TRIM33: variants seen among roughly 807,000 people sequenced by gnomAD.
The protein encoded by TRIM33 is E3 ubiquitin-protein ligase TRIM33.
In TRIM33, 20 loss-of-function variants were observed where a neutral mutation model predicts 125.4. That is an observed-to-expected ratio of 0.16 (90% CI 0.11 to 0.23). TRIM33 has a LOEUF of 0.23. Ranked by LOEUF, TRIM33 falls within the 10% of genes least tolerant of loss-of-function variation. The pLI, the probability that TRIM33 is intolerant of heterozygous loss-of-function variation, is 1.00. For synonymous variants in TRIM33, 564 were observed against 513.9 expected (o/e 1.10, Z -1.32); for missense variants, 920 against 1,411.4 (o/e 0.65, Z 5.58).
Position 114,399,538 on chromosome 1 carries a change from T to C in TRIM33, c.3039A>G (p.Lys1013=), listed in dbSNP as rs1572003243. ...CCGGGATTTGGTAGTGTTGGGAATG[T>C]TTTTTCTGAAGCTTCTTTTTCACGG... is the stretch of plus-strand genomic sequence containing the variant. The part of the protein sequence containing the change: ...LSTVKKKLQK[K]HSQHYQIPDD... The change falls in exon 18 of 20, where the codon AAA becomes AAG. Residue 1013 remains lysine, a synonymous_variant. Transcript: ENST00000358465. The C allele has an allele frequency of 6.2e-7, 1 of 1,613,164 alleles. No homozygotes were observed. Among genetic ancestry groups the C allele is most frequent in the Non-Finnish European group, 8.5e-7 (1 of 1,179,274 alleles).
chr1:114,505,981 A>G (rs1652977187), intron 1 of TRIM33, among the ~76,000 whole-genome samples: 1 of 152,234 alleles, frequency 6.6e-6, no homozygotes, highest in Non-Finnish European at 1.5e-5. Flanking sequence ...GTTAGCATAA[A>G]AGACAATAGA....
chr1:114,497,514 T>C (rs1003201984), intron 1 of TRIM33, among the ~76,000 whole-genome samples: 3 of 151,458 alleles, frequency 2.0e-5, no homozygotes, highest in East Asian at 1.9e-4. Flanking sequence ...TTGGCGAGGC[T>C]TGTCTCCAAC....
chr1:114,488,255 G>A (rs191257464), intron 1 of TRIM33, among the ~76,000 whole-genome samples: 15 of 152,152 alleles, frequency 9.9e-5, no homozygotes, highest in African/African-American at 3.4e-4. Flanking sequence ...TAACTCAAAC[G>A]AAGTCAAGAG....
At position 114,510,623 on chromosome 1, in the gene TRIM33, G is replaced by A; in HGVS notation, c.454C>T (p.Arg152Cys). ...LLPCLHSFCL[R>C]CLPEPERQLS... Reference sequence around the variant, plus strand: ...TGGCGCTCCGGCTCGGGCAGGCAGCGCAGGCAGAAGGAGTGAAGACAGGGC... The same window carrying A: ...TGGCGCTCCGGCTCGGGCAGGCAGCACAGGCAGAAGGAGTGAAGACAGGGC... The change falls in exon 1 of 20, where the codon CGC (arginine) becomes TGC (cysteine). Residue 152 changes from arginine to cysteine, a missense_variant. Arg to Cys is a radical substitution (Grantham distance 180, BLOSUM62 -3). Around this residue, in one of 8 missense-constraint regions of TRIM33, gnomAD observed 75 missense variants for 123.9 expected, o/e 0.61. Transcript: ENST00000358465. 6.4e-7 allele frequency: 1 copy of A among 1,563,510 alleles called. No individual in the cohort carries two copies. The highest frequency in any genetic ancestry group is 8.6e-7 in the Non-Finnish European group (1 of 1,161,246).
rs563495739 is a variant in TRIM33, at chr1:114,506,557, A to T, written c.526+3994T>A. Reference sequence around the variant, plus strand: ...TTTAAAAAAAGATTTTTTGAGAGACAGGGTCTTGCTATGTTACTCAGGCTG... The same window carrying T: ...TTTAAAAAAAGATTTTTTGAGAGACTGGGTCTTGCTATGTTACTCAGGCTG... On this transcript the variant is annotated intron_variant, in intron 1 of 19. Coordinates refer to ENST00000358465, the MANE Select transcript of TRIM33 (RefSeq NM_015906.4). Among the ~76,000 whole-genome samples the T allele has an allele frequency of 2.0e-5, 3 of 152,244 alleles. No homozygotes were observed. The South Asian group carries it at 6.2e-4, about 32-fold the overall frequency.
intron 1 of TRIM33, among the ~76,000 whole-genome samples, chr1:114,503,613 C>A (rs1652832607): frequency 6.6e-6 from 1 of 152,090 alleles, no homozygotes; most frequent in South Asian, 2.1e-4. Flanking sequence ...TACACAATAT[C>A]AAAAAAATTC....
rs780403638 is a variant in TRIM33, at chr1:114,397,794, T to A, written c.3238A>T (p.Ile1080Phe). Residue 1080 changes from isoleucine (I) to phenylalanine (F), a missense_variant, in exon 20 of 20, where the codon ATC becomes TTC. By Grantham distance (21) the Ile-to-Phe change is conservative. Around this residue, in one of 8 missense-constraint regions of TRIM33, gnomAD observed 122 missense variants for 236.8 expected, o/e 0.52. Transcript: ENST00000358465. ...GGTGCGAAGGTCCTGTCTGAGTAGA[T>A]CTCTGTGAGTTTATCTTCAAAGTAC... ...ALYFEDKLTE[I>F]YSDRTFAPLP... is the part of the protein sequence containing the mutation. 1.2e-6 allele frequency: 2 copies of A among 1,613,928 alleles called. No homozygotes were observed. The highest frequency in any genetic ancestry group is 8.5e-7 in the Non-Finnish European group (1 of 1,179,950).
At chr1:114,432,557 C>A (rs531504114) in intron 5 of TRIM33, among the ~76,000 whole-genome samples, 13 of 152,274 alleles carry the variant, frequency 8.5e-5, no homozygotes, top group African/African-American at 2.6e-4. Flanking sequence ...GAGGCTGAGG[C>A]AGGCGGATCA....
At chr1:114,509,252 T>C (rs1455865542) in intron 1 of TRIM33, among the ~76,000 whole-genome samples, 2 of 152,210 alleles carry the variant, frequency 1.3e-5, no homozygotes, top group Non-Finnish European at 2.9e-5. Flanking sequence ...AGCCCTTTAG[T>C]GCAGCTCCAC....
At chr1:114,406,591 A>T (rs1225107142) in intron 14 of TRIM33, among the ~76,000 whole-genome samples, 1 of 152,210 alleles carries the variant, frequency 6.6e-6, no homozygotes, top group Non-Finnish European at 1.5e-5. Context: ...TCACAGGTCC[A>T]GGAGAATCCC....
chr1:114,490,244 C>T (rs1170363116), intron 1 of TRIM33, among the ~76,000 whole-genome samples: 1 of 151,934 alleles, frequency 6.6e-6, no homozygotes, highest in Non-Finnish European at 1.5e-5. Context: ...TCTGAACAGA[C>T]ATTTCATCAG....
intron 11 of TRIM33, among the ~76,000 whole-genome samples, chr1:114,419,200 C>CAAAAAAAAAA (rs35757503): frequency 7.4e-5 from 4 of 54,300 alleles, no homozygotes; most frequent in Admixed American, 2.4e-4. Flanking sequence ...GACACCATCT[C>CAAAAAAAAAA]AAAAAAAAAA....
chr1:114,431,258 T>C (rs754453965), intron 5 of TRIM33, among the ~76,000 whole-genome samples: 9 of 152,242 alleles, frequency 5.9e-5, no homozygotes, highest in Non-Finnish European at 1.2e-4. Context: ...CTGTTTAACC[T>C]TGACGTTTTC....
intron 4 of TRIM33, among the ~76,000 whole-genome samples, chr1:114,441,128 C>A (rs929817990): frequency 6.6e-6 from 1 of 152,124 alleles, no homozygotes; most frequent in Non-Finnish European, 1.5e-5. Flanking sequence ...GGTAATAAAG[C>A]GAGACCCTGT....
At chr1:114,432,370 ATCACCAGTTT>A (rs1288586139) in intron 5 of TRIM33, among the ~76,000 whole-genome samples, 1 of 152,238 alleles carries the variant, frequency 6.6e-6, no homozygotes, top group Non-Finnish European at 1.5e-5. Context: ...AATCAACTGT[ATCACCAGTTT>A]AACCTAAAAC....
intron 1 of TRIM33, among the ~76,000 whole-genome samples, chr1:114,485,882 CAA>C (rs1557895228): frequency 6.6e-6 from 1 of 152,124 alleles, no homozygotes; most frequent in Non-Finnish European, 1.5e-5. Flanking sequence ...TCATAACTGA[CAA>C]AAGACAATCA....
intron 1 of TRIM33, among the ~76,000 whole-genome samples, chr1:114,487,725 G>A (rs1441232444): frequency 9.3e-5 from 14 of 150,264 alleles, no homozygotes; most frequent in Admixed American, 6.6e-4. Context: ...GTGAAACCCC[G>A]TCTCTACTAA....
intron 11 of TRIM33, among the ~76,000 whole-genome samples, chr1:114,417,260 T>G (rs1175178451): frequency 6.6e-6 from 1 of 152,180 alleles, no homozygotes; most frequent in African/African-American, 2.4e-5. Context: ...AAAATATTCT[T>G]GAATTAGTGG....
rs182557351 is a variant in TRIM33 at position 114,436,890 on chromosome 1, T to C, written c.924-3157A>G. Among the ~76,000 whole-genome samples, 493 of 152,344 alleles carry C rather than the reference T, an allele frequency of 3.2e-3. 1 individual carries two copies. Among genetic ancestry groups the C allele is most frequent in the Non-Finnish European group, 6.0e-3 (409 of 68,026 alleles). On this transcript the variant is annotated intron_variant, in intron 4 of 19. Transcript: ENST00000358465. ...ACATCCAATAAAAACTATTACTATG[T>C]TAAATCTGAACAAATAAAGCAGAAA...
Sources: gnomAD v4.1 joint callset for allele counts (sites outside exome capture counted in the v4.1 genomes callset) on GRCh38, gnomAD v4.1.1 for gene constraint, gnomAD v4.1.1 regional missense constraint, MANE v1.5 for transcripts, NCBI Gene and HGNC (gene_info 2026-07-23, HGNC 2026-07-21) for gene names.